AFF3: variants seen among roughly 807,000 people sequenced by gnomAD.
AFF3 encodes AF4/FMR2 family member 3.
In AFF3, 32 loss-of-function variants were observed where a neutral mutation model predicts 129.7. That is an observed-to-expected ratio of 0.25 (90% CI 0.19 to 0.33). AFF3 has a LOEUF of 0.33. AFF3 is among the 10% of genes least tolerant of loss of function. AFF3 has a pLI of 1.00. For synonymous variants in AFF3, 644 were observed against 635.4 expected, an observed-to-expected ratio of 1.01 and a Z score of -0.20; for missense variants, 1,373 against 1,592.0, an observed-to-expected ratio of 0.86 and a Z score of 2.34.
chr2:99,622,153 G>A (rs1682082984), intron 13 of AFF3, among the ~76,000 whole-genome samples: 1 of 152,192 alleles, frequency 6.6e-6, no homozygotes, highest in Non-Finnish European at 1.5e-5. Context: ...CCCCACTTTG[G>A]TACAGTCACT....
At chr2:99,559,288 C>A (rs1675251136) in intron 21 of AFF3, among the ~76,000 whole-genome samples, 1 of 150,956 alleles carries the variant, frequency 6.6e-6, no homozygotes, top group African/African-American at 2.4e-5. Context: ...CCACGAGAGG[C>A]GCGAGGTAGC....
chr2:99,701,099 C>T (rs747322571), intron 11 of AFF3, among the ~76,000 whole-genome samples: 1 of 152,112 alleles, frequency 6.6e-6, no homozygotes, highest in African/African-American at 2.4e-5. Flanking sequence ...CCACAGTGGC[C>T]GGAGCAGCAA....
intron 15 of AFF3, among the ~76,000 whole-genome samples, chr2:99,589,732 T>C (rs1225076763): frequency 6.6e-6 from 1 of 152,070 alleles, no homozygotes; most frequent in Non-Finnish European, 1.5e-5. Flanking sequence ...GAGAAACTGA[T>C]GTTCAGAGAA....
intron 12 of AFF3, among the ~76,000 whole-genome samples, chr2:99,653,608 C>T (rs1685475910): frequency 1.3e-5 from 2 of 152,230 alleles, no homozygotes; most frequent in South Asian, 4.1e-4. Context: ...CCAGTGGCGG[C>T]ACCTGTTGGC....
intron 2 of AFF3, among the ~76,000 whole-genome samples, chr2:100,120,980 G>A (rs901746835): frequency 6.6e-6 from 1 of 152,150 alleles, no homozygotes; most frequent in Non-Finnish European, 1.5e-5. Flanking sequence ...TCTAAGTAAG[G>A]ATAGAAATAG....
chr2:99,616,520 G>A (rs769198269), intron 13 of AFF3, among the ~76,000 whole-genome samples: 2 of 152,148 alleles, frequency 1.3e-5, no homozygotes, highest in Non-Finnish European at 2.9e-5. Context: ...TTGGGAGGCT[G>A]AGGCAGGTGG....
intron 7 of AFF3, among the ~76,000 whole-genome samples, chr2:99,882,107 C>A (rs1272130762): frequency 6.6e-6 from 1 of 151,930 alleles, no homozygotes; most frequent in African/African-American, 2.4e-5. Context: ...CTCTCCCCAC[C>A]CTCTCTCACT....
At chr2:99,706,244 A>T (rs1677373070) in intron 11 of AFF3, among the ~76,000 whole-genome samples, 4 of 152,236 alleles carry the variant, frequency 2.6e-5, no homozygotes, top group Non-Finnish European at 5.9e-5. Context: ...TCTGATGTAC[A>T]CCCTGGTTAT....
intron 18 of AFF3, among the ~76,000 whole-genome samples, chr2:99,577,801 T>G (rs1299511668): frequency 6.6e-6 from 1 of 152,224 alleles, no homozygotes; most frequent in Non-Finnish European, 1.5e-5. Context: ...AAAATGATGC[T>G]GGGAATGGAA....
At chr2:99,841,571 G>A (rs1689320972) in intron 7 of AFF3, among the ~76,000 whole-genome samples, 1 of 152,192 alleles carries the variant, frequency 6.6e-6, no homozygotes, top group African/African-American at 2.4e-5. Flanking sequence ...ATGTTCTGGG[G>A]ACTCAAGAAG....
intron 11 of AFF3, among the ~76,000 whole-genome samples, chr2:99,703,361 G>A (rs368758188): frequency 1.3e-4 from 20 of 152,288 alleles, no homozygotes; most frequent in African/African-American, 4.3e-4. Context: ...TGAATGATAC[G>A]GTGGGGGGCA....
At chr2:99,589,567 A>C (rs1001619496) in intron 15 of AFF3, among the ~76,000 whole-genome samples, 5 of 151,744 alleles carry the variant, frequency 3.3e-5, no homozygotes, top group African/African-American at 1.2e-4. Flanking sequence ...ACGCCCAGCT[A>C]TTTTTGTATT....
rs374887649 is a variant in AFF3, at chr2:99,825,143, A to C, written c.921+12334T>G. On this transcript the variant is annotated intron_variant, in intron 8 of 24. Transcript: ENST00000672756. Reference sequence around the variant, plus strand: ...CACATCAGATTTATCAGAACGTATAAAACGATGGATAAATGCAATGGCAAA... The same window carrying C: ...CACATCAGATTTATCAGAACGTATACAACGATGGATAAATGCAATGGCAAA... Among the ~76,000 whole-genome samples the C allele has an allele frequency of 6.6e-5, 10 of 152,348 alleles. No individual in the cohort carries two copies. The East Asian group carries it at 1.7e-3, about 26-fold the overall frequency.
At chr2:100,121,299 A>C (rs1691953764) in intron 2 of AFF3, among the ~76,000 whole-genome samples, 2 of 152,318 alleles carry the variant, frequency 1.3e-5, no homozygotes, top group Admixed American at 6.5e-5. Flanking sequence ...AATATAGTTG[A>C]ACATCGGAGA....
At position 99,549,217 on chromosome 2, in the gene AFF3, CA is replaced by C. The variant is rs2104439024; in HGVS notation, c.*2256del. ...TAGGTAGAACAAAGCCTCAGTCCTC[CA>C]AAAAAATGACTCAAAATTTCTTAAG... On this transcript the variant is annotated 3_prime_UTR_variant, in exon 25 of 25. Coordinates refer to ENST00000672756, the MANE Select transcript of AFF3 (RefSeq NM_001386135.1). 2 of 211,624 alleles carry C rather than the reference CA, an allele frequency of 9.5e-6. No individual in the cohort carries two copies. The highest frequency in any genetic ancestry group is 9.6e-6 in the Non-Finnish European group (1 of 104,426). The allele number at this position is 211,624 out of a possible 1,614,324, so 13.1% of individuals were successfully genotyped here. A position where few individuals can be genotyped will look rare whatever the true frequency, so the allele number is the denominator to read the frequency against.
At chr2:100,114,502 C>T (rs894010097) in intron 2 of AFF3, among the ~76,000 whole-genome samples, 14 of 152,306 alleles carry the variant, frequency 9.2e-5, no homozygotes, top group Admixed American at 9.2e-4. Flanking sequence ...CTACCTCAGC[C>T]TCCCGAGTAG....
intron 7 of AFF3, among the ~76,000 whole-genome samples, chr2:99,894,697 G>A (rs955048803): frequency 2.6e-5 from 4 of 151,666 alleles, no homozygotes; most frequent in African/African-American, 4.9e-5. Context: ...GGATGGTCTC[G>A]ATCTCCTGAC....
intron 7 of AFF3, among the ~76,000 whole-genome samples, chr2:99,873,071 G>A (rs776073830): frequency 4.6e-5 from 7 of 152,194 alleles, no homozygotes; most frequent in Non-Finnish European, 8.8e-5. Flanking sequence ...ATAGTGTTTC[G>A]TGAATAAACG....
chr2:99,894,841 A>G (rs1693827871), intron 7 of AFF3, among the ~76,000 whole-genome samples: 2 of 152,246 alleles, frequency 1.3e-5, no homozygotes, highest in Non-Finnish European at 2.9e-5. Flanking sequence ...AACATCACAC[A>G]GTACAAAAGC....
Sources: allele counts gnomAD v4.1 joint callset (sites outside exome capture counted in the v4.1 genomes callset), GRCh38; gene constraint gnomAD v4.1.1; transcripts MANE v1.5; gene names NCBI Gene and HGNC (gene_info 2026-07-23, HGNC 2026-07-21).